Variants in PAPSS2 observed in about 807,000 individuals in gnomAD.
PAPSS2 encodes bifunctional 3'-phosphoadenosine 5'-phosphosulfate synthase 2.
In PAPSS2, 61 loss-of-function variants were observed where a neutral mutation model predicts 66.5. The ratio of observed to expected loss-of-function variants is 0.92; its 90% CI spans 0.75 to 1.14. The LOEUF is 1.14. Among genes scored for constraint, PAPSS2 ranks in the 50% most tolerant of loss-of-function variants. The pLI, the probability that PAPSS2 is intolerant of heterozygous loss-of-function variation, is 0.00. For synonymous variants in PAPSS2, 289 were observed against 287.5 expected (o/e 1.01, Z -0.05); for missense variants, 708 against 789.6 (o/e 0.90, Z 1.24).
At chr10:87,736,086 G>A (rs536006153) in intron 9 of PAPSS2, among the ~76,000 whole-genome samples, 2 of 152,206 alleles carry the variant, frequency 1.3e-5, no homozygotes, top group East Asian at 3.9e-4. Flanking sequence ...GTTTGATTAG[G>A]GGGAGGATTG....
intron 1 of PAPSS2, among the ~76,000 whole-genome samples, chr10:87,664,021 C>T (rs1852786020): frequency 6.6e-6 from 1 of 152,074 alleles, no homozygotes; most frequent in African/African-American, 2.4e-5. Context: ...ATCCTCCTGC[C>T]TCAGCCTCCC....
At chr10:87,695,089 T>A (rs1467942109) in intron 1 of PAPSS2, among the ~76,000 whole-genome samples, 1 of 152,204 alleles carries the variant, frequency 6.6e-6, no homozygotes, top group Non-Finnish European at 1.5e-5. Context: ...TGCAACGATG[T>A]CTTAGTCCAT....
At chr10:87,661,485 C>T (rs1852751770) in intron 1 of PAPSS2, among the ~76,000 whole-genome samples, 1 of 152,224 alleles carries the variant, frequency 6.6e-6, no homozygotes, top group African/African-American at 2.4e-5. Context: ...TGGCAAGCCG[C>T]TGTGCCAGTA....
In PAPSS2 at chr10:87,729,407, C is replaced by T. The variant is rs553730733; in HGVS notation, c.1086+1918C>T. On this transcript the variant is annotated intron_variant, in intron 9 of 12. Coordinates refer to ENST00000456849, the MANE Select transcript of PAPSS2 (RefSeq NM_001015880.2). ...TATTATGACCTGTTATGGTGATCTA[C>T]GGTTAGTGATCTTTGATGTTACTAT... is the stretch of plus-strand genomic sequence containing the variant. Among the ~76,000 whole-genome samples, 6 of 152,134 alleles carry T rather than the reference C, an allele frequency of 3.9e-5. No homozygotes were observed. In the South Asian group the frequency reaches 1.2e-3, roughly 32 times the overall value.
rs368164378 is a variant in PAPSS2 at position 87,714,102 on chromosome 10, T to C, written c.440T>C (p.Phe147Ser). Residue 147 changes from phenylalanine (F) to serine (S), a missense_variant, in exon 4 of 13, where the codon TTT becomes TCT. Physicochemically the swap from Phe to Ser is radical, Grantham distance 155 (BLOSUM62 -2). Coordinates refer to ENST00000456849, the MANE Select transcript of PAPSS2 (RefSeq NM_001015880.2). The stretch of plus-strand genomic sequence containing the variant: ...GCAGGGCTGCCATTCTTTGAAATAT[T>C]TGTAGATGCACCTCTAAATATTTGT... Reference protein sequence around the residue: ...ESAGLPFFEIFVDAPLNICES... With the variant: ...ESAGLPFFEISVDAPLNICES... The C allele has an allele frequency of 3.5e-5, 56 of 1,614,014 alleles. No individual in the cohort carries two copies. Among genetic ancestry groups the C allele is most frequent in the Non-Finnish European group, 4.7e-5 (56 of 1,179,894 alleles).
At chr10:87,734,725 T>C (rs2131725510) in intron 9 of PAPSS2, among the ~76,000 whole-genome samples, 1 of 140,956 alleles carries the variant, frequency 7.1e-6, no homozygotes, top group Admixed American at 7.1e-5. Context: ...TCTCCTCTTG[T>C]AGGCATTAGT....
chr10:87,704,505 C>T (rs1023042631), intron 1 of PAPSS2, among the ~76,000 whole-genome samples: 1 of 152,176 alleles, frequency 6.6e-6, no homozygotes, highest in African/African-American at 2.4e-5. Context: ...TGTTCATGTG[C>T]ACAGGTGGGC....
At chr10:87,689,538 T>C (rs1853141421) in intron 1 of PAPSS2, among the ~76,000 whole-genome samples, 1 of 131,060 alleles carries the variant, frequency 7.6e-6, no homozygotes, top group African/African-American at 2.7e-5. Flanking sequence ...TGGTGGCGCA[T>C]GCCTATAATC....
chr10:87,675,844 A>G, intron 1 of PAPSS2, among the ~76,000 whole-genome samples: 1 of 152,180 alleles, frequency 6.6e-6, no homozygotes, highest in Non-Finnish European at 1.5e-5. Flanking sequence ...TGGTTCAGCC[A>G]GGCTTGAGAA....
At chr10:87,701,221 TATA>T (rs1290580774) in intron 1 of PAPSS2, among the ~76,000 whole-genome samples, 3 of 143,958 alleles carry the variant, frequency 2.1e-5, no homozygotes, top group African/African-American at 8.0e-5. Flanking sequence ...TTTTTATTTA[TATA>T]ATAATTTTCT....
chr10:87,734,672 T>C (rs1200687136), intron 9 of PAPSS2, among the ~76,000 whole-genome samples: 2,607 of 100,130 alleles, frequency 0.026, 50 homozygotes, highest in Middle Eastern at 0.05. Context: ...TGTATATATA[T>C]ATATATATAT....
At position 87,718,036 on chromosome 10, in the gene PAPSS2, CT is replaced by C. The variant is rs202164500; in HGVS notation, c.865+2201del. 3.3e-3 allele frequency among the ~76,000 whole-genome samples: 494 copies of C among 151,246 alleles called. 8 individuals carry two copies. The East Asian group carries it at 0.038, about 12-fold the overall frequency. On this transcript the variant is annotated intron_variant, in intron 7 of 12. Transcript: ENST00000456849. ...ACCTGTTGATTTTCTTTTTTCTTTT[CT>C]TTTTTTTCTTTTTTCTTTTTTTTGA... is the stretch of plus-strand genomic sequence containing the variant.
rs567137236 is a variant in PAPSS2, at chr10:87,715,425, AAAAG to A, written c.754-296_754-293del. On this transcript the variant is annotated intron_variant, in intron 6 of 12. Transcript: ENST00000456849. Reference sequence around the variant, plus strand: ...TAGCCAGACCAGGATTTTTGTGGATAAAAGAAAGAAAGAATAAACAGTGAATTTT... The same window carrying A: ...TAGCCAGACCAGGATTTTTGTGGATAAAAGAAAGAATAAACAGTGAATTTT... Among the ~76,000 whole-genome samples the A allele has an allele frequency of 4.6e-5, 7 of 152,366 alleles. No homozygotes were observed. The East Asian group carries it at 7.7e-4, about 17-fold the overall frequency.
chr10:87,743,242 C>CAAA (rs113848137), intron 10 of PAPSS2, 131 bp from the exon 11 acceptor site: 124 of 795,816 alleles, frequency 1.6e-4, no homozygotes, highest in Middle Eastern at 7.5e-4. Flanking sequence ...GAGACTCTTT[C>CAAA]AAAAAAAAAA....
chr10:87,737,894 C>G (rs553002965), intron 9 of PAPSS2, among the ~76,000 whole-genome samples: 1 of 152,290 alleles, frequency 6.6e-6, no homozygotes, highest in South Asian at 2.1e-4. Flanking sequence ...TGGTAACTAC[C>G]ATTGCACTCT....
At chr10:87,716,280 CT>C (rs1471737933) in intron 7 of PAPSS2, among the ~76,000 whole-genome samples, 2 of 152,198 alleles carry the variant, frequency 1.3e-5, no homozygotes, top group Non-Finnish European at 2.9e-5. Context: ...CAACTGCTTT[CT>C]TTGGTGCATG....
chr10:87,734,705 A>ATATG (rs1853776017), intron 9 of PAPSS2, among the ~76,000 whole-genome samples: 1 of 126,902 alleles, frequency 7.9e-6, no homozygotes, highest in African/African-American at 3.0e-5. Flanking sequence ...ATATATATAT[A>ATATG]TGTATGTATT....
At chr10:87,678,978 A>T (rs1852983577) in intron 1 of PAPSS2, among the ~76,000 whole-genome samples, 1 of 152,220 alleles carries the variant, frequency 6.6e-6, no homozygotes, top group African/African-American at 2.4e-5. Flanking sequence ...ACCTACATTT[A>T]CATGTTTATT....
intron 1 of PAPSS2, among the ~76,000 whole-genome samples, chr10:87,687,391 T>C (rs1236353405): frequency 6.6e-6 from 1 of 152,216 alleles, no homozygotes; most frequent in Non-Finnish European, 1.5e-5. Flanking sequence ...TTTTAACTGG[T>C]TAATTTGCTT....
Sources: gnomAD v4.1 joint callset for allele counts (sites outside exome capture counted in the v4.1 genomes callset) on GRCh38, gnomAD v4.1.1 for gene constraint, MANE v1.5 for transcripts, NCBI Gene and HGNC (gene_info 2026-07-23, HGNC 2026-07-21) for gene names.